Variants in DNAH17 observed in about 807,000 individuals in gnomAD.
DNAH17 encodes axonemal beta dynein heavy chain 17.
DNAH17 carries 376 observed loss-of-function variants against 485.6 expected under a neutral mutation model. The observed-to-expected ratio is 0.77, with a 90% CI of 0.71 to 0.84. DNAH17 has a LOEUF of 0.84. DNAH17 is among the 40% of genes least tolerant of loss of function. The pLI is 0.00. For synonymous variants in DNAH17, 3,031 were observed against 2,405.9 expected (o/e 1.26, Z -7.60); for missense variants, 6,370 against 5,839.3 (o/e 1.09, Z -2.96).
At chr17:78,484,320 T>C (rs11868949) in intron 48 of DNAH17, among the ~76,000 whole-genome samples, 113,831 of 151,312 alleles carry the variant, frequency 0.75, 42,952 homozygotes, top group Admixed American at 0.82. Flanking sequence ...TCTTCACGTG[T>C]GGCAGGGCAT....
intron 31 of DNAH17, among the ~76,000 whole-genome samples, chr17:78,504,818 T>C (rs2146733202): frequency 6.6e-6 from 1 of 151,474 alleles, no homozygotes; most frequent in South Asian, 2.1e-4. Context: ...GAATTGGCAG[T>C]TCAGAGATGT....
At position 78,449,086 on chromosome 17, in the gene DNAH17, G is replaced by A. The variant is rs1390680231; in HGVS notation, c.11211+328C>T. The stretch of plus-strand genomic sequence containing the variant: ...AAGAAACATCAGTCACCCCACAGTG[G>A]GCTAAGCACTAATGCAGGACTATTT... On this transcript the variant is annotated intron_variant, in intron 69 of 80. Coordinates refer to ENST00000389840, the MANE Select transcript of DNAH17 (RefSeq NM_173628.4). Among the ~76,000 whole-genome samples, 5 of 152,010 alleles carry A rather than the reference G, an allele frequency of 3.3e-5. No individual in the cohort carries two copies. The East Asian group carries it at 9.6e-4, about 29-fold the overall frequency.
At chr17:78,536,284 A>T (rs1964451) in intron 19 of DNAH17, among the ~76,000 whole-genome samples, 1 of 151,578 alleles carries the variant, frequency 6.6e-6, no homozygotes, top group African/African-American at 2.4e-5. Context: ...CTAAAAATAT[A>T]TAAAAAAAAA....
chr17:78,436,591 G>A (rs2086856810), intron 74 of DNAH17, among the ~76,000 whole-genome samples: 1 of 151,232 alleles, frequency 6.6e-6, no homozygotes, highest in South Asian at 2.1e-4. Flanking sequence ...GGACAAGAGT[G>A]GCCAAGATTT....
chr17:78,563,496 A>C (rs938470002), intron 11 of DNAH17, among the ~76,000 whole-genome samples: 2 of 139,278 alleles, frequency 1.4e-5, no homozygotes, highest in Non-Finnish European at 3.2e-5. Flanking sequence ...AACCCCAAAA[A>C]CCTGAAGACC....
In DNAH17 at chr17:78,494,193, G is replaced by A. The variant is rs754275951; in HGVS notation, c.6271-20C>T. 6.2e-7 allele frequency: 1 copy of A among 1,600,702 alleles called. No individual in the cohort carries two copies. The highest frequency in any genetic ancestry group is 8.5e-7 in the Non-Finnish European group (1 of 1,171,666). On this transcript the variant is annotated intron_variant, in intron 40 of 80. Transcript: ENST00000389840. ...GATGATCTGGGGAGACATGGATGAG[G>A]CTGGGTGAGGAACTGAAGCAGCTTT...
chr17:78,569,224 G>A lies in DNAH17; in HGVS notation c.1226C>T (p.Pro409Leu), dbSNP rs1011976617. 1.9e-6 allele frequency: 3 copies of A among 1,609,308 alleles called. No individual in the cohort carries two copies. The highest frequency in any genetic ancestry group is 2.5e-6 in the Non-Finnish European group (3 of 1,177,808). The change falls in exon 9 of 81, where the codon CCT (proline) becomes CTT (leucine). Residue 409 changes from proline to leucine, a missense_variant. Coordinates refer to ENST00000389840, the MANE Select transcript of DNAH17 (RefSeq NM_173628.4). ...KDKEPVPWEF[P>L]SSLAFSRINS... is the part of the protein sequence containing the mutation. ...TATCCTGGAAAAGGCAAGAGAAGAA[G>A]GGAATTCCCAAGGCACGGGCTCTTT...
In DNAH17 at chr17:78,425,756, C is replaced by CTT. The variant is rs71160294; in HGVS notation, c.12916-187_12916-186dup. ...TACCATGACGCAACTTTGGTGTCTG[C>CTT]TTTTTTTTTTTTTTTTTTTTTTTTT... On this transcript the variant is annotated intron_variant, in intron 79 of 80. Coordinates refer to ENST00000389840, the MANE Select transcript of DNAH17 (RefSeq NM_173628.4). Among the ~76,000 whole-genome samples the CTT allele has an allele frequency of 1.9e-3, 225 of 120,696 alleles. 25 individuals are homozygous for CTT. The highest frequency in any genetic ancestry group is 7.6e-3 in the African/African-American group (200 of 26,202). The allele number at this position is 120,696 out of a possible 152,430, so 79.2% of individuals were successfully genotyped here.
chr17:78,505,242 C>T (rs1192030615), intron 31 of DNAH17, 51 bp downstream of exon 31: 4 of 1,607,240 alleles, frequency 2.5e-6, no homozygotes, highest in East Asian at 2.2e-5. Context: ...GGCCCACACG[C>T]GTGCTGCACC....
At chr17:78,436,459 G>T (rs1425658050) in intron 74 of DNAH17, among the ~76,000 whole-genome samples, 1 of 152,026 alleles carries the variant, frequency 6.6e-6, no homozygotes. Context: ...CCTCAAAAAA[G>T]TTCTAGGCTC....
chr17:78,538,621 G>A (rs576709617), intron 18 of DNAH17, among the ~76,000 whole-genome samples: 1 of 152,208 alleles, frequency 6.6e-6, no homozygotes, highest in Non-Finnish European at 1.5e-5. Flanking sequence ...CTGCCCCCAG[G>A]CTACTCACAA....
rs570115445 is a variant in DNAH17, at chr17:78,505,094, T to C, written c.4956+199A>G. On this transcript the variant is annotated intron_variant, in intron 31 of 80. Transcript: ENST00000389840. The stretch of plus-strand genomic sequence containing the variant: ...TCCCTAAGGATACACTGGTGCTATA[T>C]GGGTAAGGCTGGGCTGGAAATTCTA... 3.1e-3 allele frequency among the ~76,000 whole-genome samples: 470 copies of C among 151,968 alleles called. 4 individuals are homozygous for C. Among genetic ancestry groups the C allele is most frequent in the African/African-American group, 0.01 (423 of 41,442 alleles).
chr17:78,537,353 G>A lies in DNAH17; in HGVS notation c.2805C>T (p.Ile935=), dbSNP rs781644163. ...LALIEGLVND[I]YNVARLIPRL... is the part of the protein sequence containing the mutation. The stretch of plus-strand genomic sequence containing the variant: ...GAGGGATGAGCCTGGCTACGTTGTA[G>A]ATGTCGTTGACCAGGCCCTCGATCA... Residue 935 remains isoleucine, a synonymous_variant, in exon 19 of 81, where the codon ATC becomes ATT. Coordinates refer to ENST00000389840, the MANE Select transcript of DNAH17 (RefSeq NM_173628.4). The A allele has an allele frequency of 6.2e-6, 10 of 1,607,612 alleles. No individual in the cohort carries two copies. The highest frequency in any genetic ancestry group is 1.3e-5 in the African/African-American group (1 of 74,780).
intron 47 of DNAH17, chr17:78,485,253 G>T: frequency 1.5e-6 from 1 of 652,438 alleles, no homozygotes; most frequent in Non-Finnish European, 2.6e-6. Context: ...CAGGAACCTT[G>T]CTCTCCGTCA....
At chr17:78,501,428 C>A in intron 34 of DNAH17, 84 bp from the exon 35 acceptor site, 1 of 1,471,794 alleles carries the variant, frequency 6.8e-7, no homozygotes, top group Non-Finnish European at 9.0e-7. Context: ...CCTCCAAGGC[C>A]GGTCCCCTGC....
At chr17:78,515,565 G>A (rs573859706) in intron 25 of DNAH17, among the ~76,000 whole-genome samples, 1 of 152,362 alleles carries the variant, frequency 6.6e-6, no homozygotes, top group African/African-American at 2.4e-5. Flanking sequence ...GCAAAAGGCT[G>A]TGTTAGGGCC....
chr17:78,561,702 G>C lies in DNAH17; in HGVS notation c.1835+13C>G, dbSNP rs949222482. On this transcript the variant is annotated intron_variant, in intron 12 of 80. Coordinates refer to ENST00000389840, the MANE Select transcript of DNAH17 (RefSeq NM_173628.4). ...AGGCGGGGTGCCTGCCCCTGCCCAG[G>C]GCTGTGACTCACGGGTGTTCGACGT... 1.3e-6 allele frequency: 2 copies of C among 1,595,082 alleles called. No homozygotes were observed. The highest frequency in any genetic ancestry group is 3.4e-5 in the Admixed American group (2 of 59,042).
At chr17:78,542,439 C>T (rs541205518) in intron 17 of DNAH17, among the ~76,000 whole-genome samples, 63 of 152,302 alleles carry the variant, frequency 4.1e-4, no homozygotes, top group African/African-American at 1.4e-3. Context: ...TGAGCCACTA[C>T]GCCCAGCCGT....
intron 14 of DNAH17, among the ~76,000 whole-genome samples, chr17:78,557,388 C>T (rs1315002891): frequency 6.6e-6 from 1 of 151,966 alleles, no homozygotes; most frequent in African/African-American, 2.4e-5. Context: ...GAGGCAGAGG[C>T]GGGCAAATCA....
Sources: allele counts gnomAD v4.1 joint callset (sites outside exome capture counted in the v4.1 genomes callset), GRCh38; gene constraint gnomAD v4.1.1; transcripts MANE v1.5; gene names NCBI Gene and HGNC (gene_info 2026-07-23, HGNC 2026-07-21).